ATRX: variants seen among roughly 807,000 people sequenced by gnomAD.
ATRX encodes the protein chromatin remodeler ATRX.
A neutral mutation model predicts 172.6 loss-of-function variants in ATRX; 12 were observed. The ratio of observed to expected loss-of-function variants is 0.07; its 90% CI spans 0.04 to 0.11. The LOEUF (loss-of-function observed/expected upper bound fraction) is 0.11, where lower values mean the gene tolerates loss of function less well. Among genes scored for constraint, ATRX ranks in the 10% least tolerant of loss-of-function variants. The pLI, the probability that ATRX is intolerant of heterozygous loss-of-function variation, is 1.00. For synonymous variants in ATRX, 674 were observed against 594.7 expected (o/e 1.13, Z -1.94); for missense variants, 1,368 against 1,767.4 (o/e 0.77, Z 4.05).
intron 7 of ATRX, among the ~76,000 whole-genome samples, chrX:77,687,983 G>A (rs1557144927): frequency 2.7e-5 from 3 of 111,723 alleles, no homozygotes; most frequent in Non-Finnish European, 5.6e-5. Flanking sequence ...TGTTGTCCAG[G>A]CTGGAGTACA....
chrX:77,660,131 T>C (rs1026854044), intron 12 of ATRX, among the ~76,000 whole-genome samples: 13 of 112,023 alleles, frequency 1.2e-4, no homozygotes, highest in Non-Finnish European at 2.3e-4. Flanking sequence ...GGTCTATATA[T>C]TGAACTAAGC....
chrX:77,682,869 T>G lies in ATRX; in HGVS notation c.2387A>C (p.Lys796Thr). The part of the protein sequence containing the change: ...SGSDFDTKKG[K>T]SAKSSIISKK... ...AGAAATTATAGAGCTCTTAGCTGAT[T>G]TGCCCTTTTTAGTATCAAAATCTGA... Residue 796 changes from lysine (K) to threonine (T), a missense_variant, in exon 9 of 35, where the codon AAA (lysine) becomes ACA (threonine). Physicochemically the swap from Lys to Thr is moderately conservative, Grantham distance 78. Coordinates refer to ENST00000373344, the MANE Select transcript of ATRX (RefSeq NM_000489.6). The G allele has an allele frequency of 8.3e-7, 1 of 1,209,429 alleles. No homozygotes were observed. Among genetic ancestry groups the G allele is most frequent in the African/African-American group, 1.7e-5 (1 of 57,593 alleles).
chrX:77,634,770 C>T (rs913538236), intron 16 of ATRX, 67 bp from the exon 17 acceptor site: 1 of 895,977 alleles, frequency 1.1e-6, no homozygotes, highest in Non-Finnish European at 1.6e-6. Context: ...TACATAAACA[C>T]ATCAAAAACA....
At chrX:77,578,536 G>T in intron 27 of ATRX, among the ~76,000 whole-genome samples, 1 of 112,048 alleles carries the variant, frequency 8.9e-6, no homozygotes, top group East Asian at 2.8e-4. Context: ...AGCTCCCTGG[G>T]CCAGAAGGCA....
chrX:77,779,469 C>T (rs193064933), intron 1 of ATRX, among the ~76,000 whole-genome samples: 213 of 111,611 alleles, frequency 1.9e-3, no homozygotes, highest in South Asian at 0.011. Flanking sequence ...CAACCCTTAA[C>T]TGCTAACTCA....
intron 10 of ATRX, among the ~76,000 whole-genome samples, chrX:77,670,449 T>C (rs1243382954): frequency 8.9e-5 from 10 of 112,104 alleles, no homozygotes; most frequent in Non-Finnish European, 1.5e-4. Context: ...ATTTAAAGGA[T>C]AGGAATTAAA....
chrX:77,676,249 A>G lies in ATRX; in HGVS notation c.3786T>C (p.Asp1262=), dbSNP rs782113542. The part of the protein sequence containing the change: ...KSVPVTVDDD[D]DDNDPENRIA... ...ACCTATTCTCAGGATCATTGTCGTC[A>G]TCATCATCATCCACTGTGACAGGCA... is the stretch of plus-strand genomic sequence containing the variant. Residue 1262 remains aspartate (D), a synonymous_variant, in exon 10 of 35, where the codon GAT becomes GAC. Transcript: ENST00000373344. The G allele has an allele frequency of 3.3e-6, 4 of 1,194,439 alleles. No homozygotes were observed. The highest frequency in any genetic ancestry group is 6.0e-5 in the East Asian group (2 of 33,208).
intron 30 of ATRX, among the ~76,000 whole-genome samples, chrX:77,532,197 C>T (rs782071740): frequency 9.0e-5 from 10 of 110,708 alleles, no homozygotes; most frequent in South Asian, 7.7e-4. Flanking sequence ...AGTGTGAAAA[C>T]GGCCATACTT....
At chrX:77,544,412 TTTTTC>T (rs1247214777) in intron 30 of ATRX, among the ~76,000 whole-genome samples, 2 of 111,344 alleles carry the variant, frequency 1.8e-5, no homozygotes, top group African/African-American at 6.5e-5. Context: ...CTAGCTTTTC[TTTTTC>T]TTTTTTTTTA....
intron 2 of ATRX, among the ~76,000 whole-genome samples, chrX:77,699,091 T>C (rs1258617922): frequency 1.8e-5 from 2 of 108,674 alleles, no homozygotes; most frequent in Non-Finnish European, 3.8e-5. Context: ...AGAAAAGCAA[T>C]AGAAAAAAAA....
At chrX:77,540,993 T>C (rs1279946296) in intron 30 of ATRX, among the ~76,000 whole-genome samples, 5 of 110,032 alleles carry the variant, frequency 4.5e-5, no homozygotes, top group African/African-American at 1.6e-4. Context: ...GATAGAGACA[T>C]AAAAAAACCT....
At chrX:77,643,322 C>T (rs946087986) in intron 15 of ATRX, among the ~76,000 whole-genome samples, 8 of 110,332 alleles carry the variant, frequency 7.3e-5, no homozygotes, top group Non-Finnish European at 1.1e-4. Flanking sequence ...TGGGGCAAGG[C>T]ATTACAGGGG....
intron 9 of ATRX, among the ~76,000 whole-genome samples, chrX:77,678,814 T>G (rs2071043751): frequency 9.0e-6 from 1 of 111,013 alleles, no homozygotes; most frequent in Admixed American, 9.6e-5. Flanking sequence ...TTTTAATGAT[T>G]TCTCTATGTC....
At chrX:77,731,783 G>A (rs1430883668) in intron 1 of ATRX, among the ~76,000 whole-genome samples, 1 of 110,523 alleles carries the variant, frequency 9.0e-6, no homozygotes, top group Non-Finnish European at 1.9e-5. Flanking sequence ...CGGACTTCAG[G>A]GAGATCAGCC....
intron 12 of ATRX, among the ~76,000 whole-genome samples, chrX:77,658,453 C>T (rs1390969135): frequency 8.9e-6 from 1 of 112,084 alleles, no homozygotes; most frequent in Non-Finnish European, 1.9e-5. Context: ...GACATTATAA[C>T]TCGATGCAAT....
intron 1 of ATRX, among the ~76,000 whole-genome samples, chrX:77,744,950 C>T (rs782279606): frequency 6.5e-5 from 7 of 108,422 alleles, no homozygotes; most frequent in Non-Finnish European, 1.1e-4. Flanking sequence ...GAGCCGAGAT[C>T]GCACCACTGC....
rs1436756892 is a variant in ATRX at position 77,507,786 on chromosome X, A to G, written c.*565T>C. On this transcript the variant is annotated 3_prime_UTR_variant, in exon 35 of 35. Transcript: ENST00000373344. Reference sequence around the variant, plus strand: ...TATTGCACACAATTCTGTGTCAAAGATAACCCTCAGTTTCTAACTTTCAGT... The same window carrying G: ...TATTGCACACAATTCTGTGTCAAAGGTAACCCTCAGTTTCTAACTTTCAGT... 5.7e-6 allele frequency: 1 copy of G among 174,641 alleles called. No individual in the cohort carries two copies. Among genetic ancestry groups the G allele is most frequent in the Non-Finnish European group, 1.1e-5 (1 of 91,717 alleles). 14.4% of individuals were successfully genotyped at this position (174,641 alleles called of 1,213,427 possible). A position where few individuals can be genotyped will look rare whatever the true frequency, so the allele number is the denominator to read the frequency against.
intron 1 of ATRX, among the ~76,000 whole-genome samples, chrX:77,762,763 T>C (rs1281603978): frequency 9.0e-6 from 1 of 111,151 alleles, no homozygotes; most frequent in Non-Finnish European, 1.9e-5. Context: ...AGGTAGAATC[T>C]AGATGTTAAT....
At chrX:77,642,120 A>G (rs189145035) in intron 15 of ATRX, among the ~76,000 whole-genome samples, 1 of 111,483 alleles carries the variant, frequency 9.0e-6, no homozygotes, top group Admixed American at 9.6e-5. Flanking sequence ...TCTTGAGCCC[A>G]GGAGTTTGAG....
Sources: gnomAD v4.1 joint callset for allele counts (sites outside exome capture counted in the v4.1 genomes callset) on GRCh38, gnomAD v4.1.1 for gene constraint, MANE v1.5 for transcripts, NCBI Gene and HGNC (gene_info 2026-07-23, HGNC 2026-07-21) for gene names.